Variants in DTNA observed in about 807,000 individuals in gnomAD.
DTNA encodes dystrobrevin alpha.
DTNA carries 43 observed loss-of-function variants against 100.7 expected under a neutral mutation model. The observed-to-expected ratio is 0.43, with a 90% CI of 0.33 to 0.55. DTNA has a LOEUF of 0.55. DTNA is among the 20% of genes least tolerant of loss of function. DTNA has a pLI of 0.04. For synonymous variants in DTNA, 349 were observed against 347.9 expected (o/e 1.00, Z -0.04); for missense variants, 798 against 953.9 (o/e 0.84, Z 2.15).
intron 1 of DTNA, among the ~76,000 whole-genome samples, chr18:34,567,656 G>T (rs2047200201): frequency 6.6e-6 from 1 of 151,970 alleles, no homozygotes; most frequent in Non-Finnish European, 1.5e-5. Flanking sequence ...TTGTCTTAGG[G>T]TTAAACCATG....
At chr18:34,594,557 A>G (rs1280847562) in intron 1 of DTNA, among the ~76,000 whole-genome samples, 1 of 152,216 alleles carries the variant, frequency 6.6e-6, no homozygotes, top group Non-Finnish European at 1.5e-5. Flanking sequence ...TGTCTTGTCA[A>G]ATAGACCAGA....
At chr18:34,605,633 GCACACACACACA>G (rs3078088) in intron 1 of DTNA, among the ~76,000 whole-genome samples, 9 of 142,332 alleles carry the variant, frequency 6.3e-5, no homozygotes, top group African/African-American at 1.6e-4. Flanking sequence ...TGCAACTCAG[GCACACACACACA>G]CACACACACA....
Position 34,818,283 on chromosome 18 carries a change from G to A in DTNA, c.829G>A (p.Gly277Ser), listed in dbSNP as rs1196384917. The A allele has an allele frequency of 1.3e-5, 21 of 1,613,884 alleles. No homozygotes were observed. In the Admixed American group the frequency reaches 1.5e-4, roughly 12 times the overall value. ...GGACTGCTTCTGGAGGGGACATGCC[G>A]GTGGTTCTCATAGCAACCAGCACCA... is the stretch of plus-strand genomic sequence containing the variant. Reference protein sequence around the residue: ...CQDCFWRGHAGGSHSNQHQMK... With the variant: ...CQDCFWRGHASGSHSNQHQMK... The change falls in exon 8 of 23, where the codon GGT becomes AGT. Residue 277 changes from glycine to serine, a missense_variant. Physicochemically the swap from Gly to Ser is moderately conservative, Grantham distance 56. Around this residue, in one of 6 missense-constraint regions of DTNA, gnomAD observed 81 missense variants for 153.5 expected, o/e 0.53. Coordinates refer to ENST00000444659, the MANE Select transcript of DTNA (RefSeq NM_001386795.1).
At chr18:34,818,139 T>G in intron 7 of DTNA, 25 bp from the exon 8 acceptor site, 1 of 1,613,902 alleles carries the variant, frequency 6.2e-7, no homozygotes, top group African/African-American at 1.3e-5. Flanking sequence ...TTTTCTTGGT[T>G]TTTCTTCACT....
At chr18:34,794,440 T>C (rs2094884840) in intron 4 of DTNA, among the ~76,000 whole-genome samples, 190 bp downstream of exon 4, 1 of 152,164 alleles carries the variant, frequency 6.6e-6, no homozygotes, top group Admixed American at 6.6e-5. Context: ...TGAAAAAGAC[T>C]AGAGAGTAAA....
At chr18:34,528,384 A>C (rs574166612) in intron 1 of DTNA, among the ~76,000 whole-genome samples, 41 of 152,204 alleles carry the variant, frequency 2.7e-4, no homozygotes, top group African/African-American at 8.2e-4. Flanking sequence ...CTATTAGCTC[A>C]TGCAAGAGGG....
chr18:34,554,735 A>G (rs1430839573), intron 1 of DTNA, among the ~76,000 whole-genome samples: 2 of 139,678 alleles, frequency 1.4e-5, no homozygotes, highest in Admixed American at 1.4e-4. Flanking sequence ...CCACTTGATC[A>G]TGGTGGATAA....
chr18:34,799,405 CA>C (rs2095119436), intron 4 of DTNA, among the ~76,000 whole-genome samples: 2 of 152,106 alleles, frequency 1.3e-5, no homozygotes, highest in Admixed American at 6.6e-5. Flanking sequence ...ATATTTAATG[CA>C]AAATGTACTA....
intron 10 of DTNA, among the ~76,000 whole-genome samples, chr18:34,828,460 GA>G (rs1214105962): frequency 3.9e-5 from 6 of 152,122 alleles, no homozygotes; most frequent in Non-Finnish European, 8.8e-5. Context: ...CCTTTCAGCA[GA>G]AAAAAAGTAC....
At chr18:34,638,164 A>T (rs2058857804) in intron 1 of DTNA, among the ~76,000 whole-genome samples, 1 of 152,180 alleles carries the variant, frequency 6.6e-6, no homozygotes, top group Non-Finnish European at 1.5e-5. Context: ...CCCCTTTCTG[A>T]TGCTTGCCTT....
At chr18:34,561,195 T>C (rs2046603136) in intron 1 of DTNA, among the ~76,000 whole-genome samples, 1 of 152,140 alleles carries the variant, frequency 6.6e-6, no homozygotes, top group African/African-American at 2.4e-5. Context: ...ACAACAAACA[T>C]GACTGTGACA....
intron 1 of DTNA, among the ~76,000 whole-genome samples, chr18:34,633,421 A>G (rs990231600): frequency 7.9e-5 from 12 of 152,164 alleles, no homozygotes; most frequent in South Asian, 6.2e-4. Flanking sequence ...TAATTATACA[A>G]TGAAGGGAAA....
At chr18:34,646,789 C>T (rs1350909606) in intron 1 of DTNA, among the ~76,000 whole-genome samples, 3 of 151,882 alleles carry the variant, frequency 2.0e-5, no homozygotes, top group East Asian at 1.9e-4. Flanking sequence ...CTCACTGCGA[C>T]CCTGCAACCT....
At chr18:34,809,934 C>T (rs924598755) in intron 5 of DTNA, among the ~76,000 whole-genome samples, 1 of 152,132 alleles carries the variant, frequency 6.6e-6, no homozygotes, top group Non-Finnish European at 1.5e-5. Flanking sequence ...AGATGAAGGG[C>T]GCCCCCTGCA....
chr18:34,655,241 G>A (rs1029751676), intron 1 of DTNA, among the ~76,000 whole-genome samples: 1 of 152,098 alleles, frequency 6.6e-6, no homozygotes, highest in African/African-American at 2.4e-5. Context: ...TCTCTGAATC[G>A]GTTATTGGAC....
At chr18:34,554,543 T>C (rs1374426605) in intron 1 of DTNA, among the ~76,000 whole-genome samples, 6 of 151,712 alleles carry the variant, frequency 4.0e-5, no homozygotes, top group Admixed American at 6.5e-5. Flanking sequence ...TTTTGAAATA[T>C]GTCCCATCAA....
chr18:34,496,525 T>C (rs944731417), intron 1 of DTNA, among the ~76,000 whole-genome samples: 5 of 152,190 alleles, frequency 3.3e-5, no homozygotes, highest in African/African-American at 1.2e-4. Context: ...GACCTTTTCC[T>C]TTCAAGTCCC....
intron 1 of DTNA, among the ~76,000 whole-genome samples, chr18:34,679,113 C>G (rs1376946505): frequency 6.6e-6 from 1 of 152,108 alleles, no homozygotes; most frequent in Non-Finnish European, 1.5e-5. Context: ...AAGAAGATTC[C>G]ATGTTTTTCC....
chr18:34,572,556 T>C (rs1020967429), intron 1 of DTNA, among the ~76,000 whole-genome samples: 4 of 152,176 alleles, frequency 2.6e-5, no homozygotes, highest in African/African-American at 9.7e-5. Context: ...AGGCGGAATG[T>C]GAGTTCAGGG....
Sources: gnomAD v4.1 joint callset for allele counts (sites outside exome capture counted in the v4.1 genomes callset) on GRCh38, gnomAD v4.1.1 for gene constraint, gnomAD v4.1.1 regional missense constraint, MANE v1.5 for transcripts, NCBI Gene and HGNC (gene_info 2026-07-23, HGNC 2026-07-21) for gene names.